CNIH3: variants seen among roughly 807,000 people sequenced by gnomAD.
CNIH3 encodes the protein protein cornichon homolog 3.
CNIH3 carries 14 observed loss-of-function variants against 24.1 expected under a neutral mutation model. The observed-to-expected ratio is 0.58, with a 90% CI of 0.38 to 0.91. The LOEUF (loss-of-function observed/expected upper bound fraction) is 0.91. Among genes scored for constraint, CNIH3 ranks in the 40% least tolerant of loss-of-function variants. The probability of loss-of-function intolerance (pLI) is 0.00; values close to 1 mark genes in which losing one functional copy is unlikely to be tolerated. For missense variants in CNIH3, 178 were observed against 196.8 expected (o/e 0.90, Z 0.57); for synonymous variants, 68 against 73.8 (o/e 0.92, Z 0.40).
intron 1 of CNIH3, among the ~76,000 whole-genome samples, chr1:224,642,171 A>G (rs1684392785): frequency 6.6e-6 from 1 of 152,210 alleles, no homozygotes; most frequent in Non-Finnish European, 1.5e-5. Context: ...TATTTGCTGT[A>G]TCAGGCACTG....
At chr1:224,617,803 G>A (rs1683091335) in intron 1 of CNIH3, among the ~76,000 whole-genome samples, 1 of 152,138 alleles carries the variant, frequency 6.6e-6, no homozygotes, top group Admixed American at 6.5e-5. Flanking sequence ...GTGGGGGAAA[G>A]GCGAGAAGGA....
At chr1:224,463,773 ATTTTTTTTTTTTTTTTTTTTTTTT>A (rs56137320) in intron 1 of CNIH3, among the ~76,000 whole-genome samples, 6 of 20,706 alleles carry the variant, frequency 2.9e-4, no homozygotes. Context: ...AATTGTCCTC[ATTTTTTTTTTTTTTTTTTTTTTTT>A]TTTTTTTTTT....
chr1:224,553,712 T>C (rs1335239501), intron 3 of CNIH3, among the ~76,000 whole-genome samples: 1 of 151,580 alleles, frequency 6.6e-6, no homozygotes, highest in East Asian at 1.9e-4. Flanking sequence ...ACATGTAGTA[T>C]AAACAAGAGT....
At chr1:224,452,312 G>A (rs1675436040) in intron 1 of CNIH3, among the ~76,000 whole-genome samples, 2 of 151,638 alleles carry the variant, frequency 1.3e-5, no homozygotes, top group South Asian at 2.1e-4. Flanking sequence ...ACCATGCCCG[G>A]CTAATTTTTG....
chr1:224,542,793 A>C (rs1013624825), intron 2 of CNIH3, among the ~76,000 whole-genome samples: 2 of 152,178 alleles, frequency 1.3e-5, no homozygotes, highest in African/African-American at 4.8e-5. Context: ...CCCTCCGTAT[A>C]GTAGCTGCAG....
At chr1:224,631,377 C>G (rs1558232739) in intron 1 of CNIH3, among the ~76,000 whole-genome samples, 3 of 152,180 alleles carry the variant, frequency 2.0e-5, no homozygotes, top group Admixed American at 6.5e-5. Flanking sequence ...GAACTCAGCT[C>G]CCACCACTAA....
chr1:224,659,078 C>T (rs751324683), intron 1 of CNIH3, among the ~76,000 whole-genome samples: 13 of 152,168 alleles, frequency 8.5e-5, no homozygotes, highest in Non-Finnish European at 1.0e-4. Flanking sequence ...TCAAAATTGG[C>T]CTTGCAATCT....
intron 1 of CNIH3, among the ~76,000 whole-genome samples, chr1:224,622,762 G>T (rs1683341527): frequency 6.6e-6 from 1 of 152,312 alleles, no homozygotes; most frequent in Admixed American, 6.5e-5. Flanking sequence ...GCCTATACTG[G>T]CCCTGAAGCT....
chr1:224,519,382 G>A (rs1371319290), intron 1 of CNIH3, among the ~76,000 whole-genome samples: 1 of 151,996 alleles, frequency 6.6e-6, no homozygotes. Context: ...CTGGTTCTCA[G>A]GCCTTCAGAC....
chr1:224,444,748 A>G (rs1404078690), intron 1 of CNIH3, among the ~76,000 whole-genome samples: 1 of 150,790 alleles, frequency 6.6e-6, no homozygotes, highest in Non-Finnish European at 1.5e-5. Context: ...GGGTTCAAGC[A>G]ATTCTCCTGC....
At chr1:224,697,509 A>G (rs1260536559) in intron 3 of CNIH3, among the ~76,000 whole-genome samples, 1 of 152,172 alleles carries the variant, frequency 6.6e-6, no homozygotes, top group Non-Finnish European at 1.5e-5. Flanking sequence ...ATAATTTGCC[A>G]ACAGGTGCCC....
intron 3 of CNIH3, among the ~76,000 whole-genome samples, chr1:224,697,689 C>G (rs116213259): frequency 0.016 from 2,490 of 152,240 alleles, 71 homozygotes; most frequent in African/African-American, 0.057. Flanking sequence ...TTTCAACCCC[C>G]AGAATGCTCA....
At chr1:224,544,345 T>A (rs1268961279) in intron 2 of CNIH3, among the ~76,000 whole-genome samples, 1 of 152,188 alleles carries the variant, frequency 6.6e-6, no homozygotes, top group Non-Finnish European at 1.5e-5. Flanking sequence ...TGCTACAGCA[T>A]CCCATGGACT....
At chr1:224,524,843 G>T (rs1339508118) in intron 2 of CNIH3, among the ~76,000 whole-genome samples, 1 of 152,152 alleles carries the variant, frequency 6.6e-6, no homozygotes, top group Admixed American at 6.5e-5. Context: ...TGATCACAGT[G>T]GTTGATTCAG....
intron 2 of CNIH3, among the ~76,000 whole-genome samples, chr1:224,521,871 T>C (rs1678648042): frequency 6.6e-6 from 1 of 152,102 alleles, no homozygotes; most frequent in Admixed American, 6.5e-5. Flanking sequence ...TGTATGTAAG[T>C]TAGTTTGAGT....
Position 224,516,803 on chromosome 1 carries a change from G to A in CNIH3, n.15+927G>A, listed in dbSNP as rs116578483. Among the ~76,000 whole-genome samples, 1,198 of 152,296 alleles carry A rather than the reference G, an allele frequency of 7.9e-3. 14 individuals are homozygous for A. Among genetic ancestry groups the A allele is most frequent in the African/African-American group, 0.027 (1,127 of 41,566 alleles). On this transcript the variant is annotated intron_variant and non_coding_transcript_variant, in intron 1 of 2. Transcript: ENST00000470602. ...CGTTTTCTTACCCTCTGCCATCATCGCATCATCCCCGCCAGAAAATCTGTC... is the reference window on the plus strand; with the variant it reads ...CGTTTTCTTACCCTCTGCCATCATCACATCATCCCCGCCAGAAAATCTGTC...
intron 1 of CNIH3, among the ~76,000 whole-genome samples, chr1:224,469,398 G>T (rs1276369158): frequency 2.0e-5 from 3 of 152,108 alleles, no homozygotes; most frequent in South Asian, 2.1e-4. Flanking sequence ...TTCTTCTTTA[G>T]CCTGTTGATA....
At chr1:224,470,419 G>T (rs940531048) in intron 1 of CNIH3, among the ~76,000 whole-genome samples, 6 of 151,300 alleles carry the variant, frequency 4.0e-5, no homozygotes, top group Admixed American at 1.3e-4. Flanking sequence ...GACTCAAGTG[G>T]TTCTCCTGCC....
At chr1:224,528,370 G>C (rs1305583530) in intron 2 of CNIH3, among the ~76,000 whole-genome samples, 1 of 151,940 alleles carries the variant, frequency 6.6e-6, no homozygotes, top group African/African-American at 2.4e-5. Context: ...GTACAGGTTG[G>C]AGTGCAGTGG....
Sources: allele counts gnomAD v4.1 joint callset (sites outside exome capture counted in the v4.1 genomes callset), GRCh38; gene constraint gnomAD v4.1.1; transcripts MANE v1.5; gene names NCBI Gene and HGNC (gene_info 2026-07-23, HGNC 2026-07-21).